BIN3: variants seen among roughly 807,000 people sequenced by gnomAD.
The protein encoded by BIN3 is bridging integrator 3.
In BIN3, 41 loss-of-function variants were observed where a neutral mutation model predicts 38.2. The observed-to-expected ratio is 1.07, with a 90% confidence interval of 0.84 to 1.39. The LOEUF (loss-of-function observed/expected upper bound fraction) is 1.39, where lower values mean the gene tolerates loss of function less well. Among genes scored for constraint, BIN3 ranks in the 40% most tolerant of loss-of-function variants. The probability of loss-of-function intolerance (pLI) is 0.00; values close to 1 mark genes in which losing one functional copy is unlikely to be tolerated. For missense variants in BIN3, 361 were observed against 324.3 expected (o/e 1.11, Z -0.87); for synonymous variants, 145 against 122.6 (o/e 1.18, Z -1.21).
rs774200897 is a variant in BIN3, at chr8:22,630,489, C to T, written c.250G>A (p.Ala84Thr). 6.2e-7 allele frequency: 1 copy of T among 1,614,020 alleles called. No homozygotes were observed. The highest frequency in any genetic ancestry group is 1.1e-5 in the South Asian group (1 of 91,082). The part of the protein sequence containing the change: ...QDQDLLNMVT[A>T]LDTAMKRMDA... ...ATCCGCTTCATGGCCGTGTCCAGGG[C>T]CGTCACCATGTTCAGAAGGTCCTGG... is the stretch of plus-strand genomic sequence containing the variant. The change falls in exon 5 of 9, where the codon GCC becomes ACC. Residue 84 changes from alanine to threonine, a missense_variant. Ala to Thr is a moderately conservative substitution (Grantham distance 58). Coordinates refer to ENST00000276416, the MANE Select transcript of BIN3 (RefSeq NM_018688.6).
Position 22,621,447 on chromosome 8 carries a change from G to C in BIN3, c.737C>G (p.Ala246Gly). ...ENEAKLSELR[A>G]LSIVADD ...TCAGTCATCGGCCACAATGGAGAGG[G>C]CCCGGAGCTCACTGAGTTTGGCCTC... The change falls in exon 9 of 9, where the codon GCC becomes GGC. Residue 246 changes from alanine to glycine, a missense_variant. Transcript: ENST00000276416. 6.2e-7 allele frequency: 1 copy of C among 1,613,592 alleles called. No individual in the cohort carries two copies. The highest frequency in any genetic ancestry group is 8.5e-7 in the Non-Finnish European group (1 of 1,179,788).
At chr8:22,648,574 C>A (rs1239848873) in intron 1 of BIN3, among the ~76,000 whole-genome samples, 1 of 152,142 alleles carries the variant, frequency 6.6e-6, no homozygotes, top group Non-Finnish European at 1.5e-5. Context: ...CCACATCATA[C>A]CCAGGGTCCA....
chr8:22,663,016 G>C (rs1432179546), intron 1 of BIN3, among the ~76,000 whole-genome samples: 1 of 152,214 alleles, frequency 6.6e-6, no homozygotes, highest in Non-Finnish European at 1.5e-5. Context: ...CTATCTGGGA[G>C]GCTGAGGCAC....
Position 22,669,095 on chromosome 8 carries a change from C to G in BIN3, c.-44G>C. 3 of 1,582,686 alleles carry G rather than the reference C, an allele frequency of 1.9e-6. No individual in the cohort carries two copies. The highest frequency in any genetic ancestry group is 1.2e-5 in the South Asian group (1 of 86,622). Reference sequence around the variant, plus strand: ...GCCGCCGGGGTCCTCAGCCACAACTCGTTTCTCTAGGGTCACTTCCGGATT... The same window carrying G: ...GCCGCCGGGGTCCTCAGCCACAACTGGTTTCTCTAGGGTCACTTCCGGATT... On this transcript the variant is annotated 5_prime_UTR_variant, in exon 1 of 9. Coordinates refer to ENST00000276416, the MANE Select transcript of BIN3 (RefSeq NM_018688.6).
In BIN3 at chr8:22,636,598, G is replaced by A. The variant is rs1802374585; in HGVS notation, c.99-12C>T. The A allele has an allele frequency of 6.4e-7, 1 of 1,551,288 alleles. No homozygotes were observed. Among genetic ancestry groups the A allele is most frequent in the Admixed American group, 2.0e-5 (1 of 51,004 alleles). On this transcript the variant is annotated splice_polypyrimidine_tract_variant and intron_variant, in intron 3 of 8. Transcript: ENST00000276416. ...TCTGCTCTTCCAGCCTGCAAGGCAG[G>A]GGACGGGCTGCTTGGGGTCCCCTTC...
At chr8:22,648,977 C>G (rs533275374) in intron 1 of BIN3, among the ~76,000 whole-genome samples, 1 of 152,040 alleles carries the variant, frequency 6.6e-6, no homozygotes, top group Non-Finnish European at 1.5e-5. Flanking sequence ...TCCAGCTCTA[C>G]GACATGTACC....
chr8:22,665,551 G>A (rs769307819), intron 1 of BIN3, among the ~76,000 whole-genome samples: 1 of 152,216 alleles, frequency 6.6e-6, no homozygotes, highest in African/African-American at 2.4e-5. Flanking sequence ...GTGAAGCGTG[G>A]CCTGACTCTT....
At position 22,620,906 on chromosome 8, in the gene BIN3, C is replaced by T. The variant is rs1801771221; in HGVS notation, c.*516G>A. The T allele has an allele frequency of 6.5e-6, 1 of 152,956 alleles. No individual in the cohort carries two copies. The highest frequency in any genetic ancestry group is 1.9e-4 in the East Asian group (1 of 5,200). 9.5% of individuals were successfully genotyped at this position (152,956 alleles called of 1,614,324 possible). A position where few individuals can be genotyped will look rare whatever the true frequency, so the allele number is the denominator to read the frequency against. On this transcript the variant is annotated 3_prime_UTR_variant, in exon 9 of 9. Transcript: ENST00000276416. ...TAGGTCCCAAAGCCACAAGGGTGCC[C>T]TTTGTCTTGCTGGGAAGCTGGCTGA...
intron 2 of BIN3, among the ~76,000 whole-genome samples, chr8:22,637,570 T>G (rs916196620): frequency 6.6e-6 from 1 of 152,146 alleles, no homozygotes; most frequent in Admixed American, 6.5e-5. Context: ...TCAACTCTCT[T>G]GAGAGCCAGC....
At chr8:22,642,970 G>A (rs541022684) in intron 2 of BIN3, among the ~76,000 whole-genome samples, 4 of 152,314 alleles carry the variant, frequency 2.6e-5, no homozygotes, top group South Asian at 2.1e-4. Context: ...TTAGATCAAC[G>A]GAGCCAGAGA....
chr8:22,625,354 G>A (rs1801971449), intron 6 of BIN3: 2 of 702,492 alleles, frequency 2.8e-6, no homozygotes, highest in East Asian at 5.4e-5. Flanking sequence ...CGCAGCCCAG[G>A]GAGCTCATGA....
rs762463420 is a variant in BIN3 at position 22,630,429 on chromosome 8, A to G, written c.297+13T>C. The G allele has an allele frequency of 1.2e-6, 2 of 1,613,534 alleles. No individual in the cohort carries two copies. The highest frequency in any genetic ancestry group is 1.7e-5 in the Admixed American group (1 of 59,994). On this transcript the variant is annotated intron_variant, in intron 5 of 8. Coordinates refer to ENST00000276416, the MANE Select transcript of BIN3 (RefSeq NM_018688.6). ...AAGTCATGCTTGCCCACCCCACACC[A>G]AGACCTAGTCACCTTTTCCTGATTG...
At chr8:22,625,219 C>T (rs937986520) in intron 6 of BIN3, 3 of 677,626 alleles carry the variant, frequency 4.4e-6, no homozygotes, top group Admixed American at 2.1e-5. Flanking sequence ...CATGTGTCCT[C>T]TAGTGACCAG....
intron 3 of BIN3, 27 bp from the exon 4 acceptor site, chr8:22,636,613 G>T: frequency 6.5e-7 from 1 of 1,550,336 alleles, no homozygotes; most frequent in Non-Finnish European, 8.7e-7. Flanking sequence ...GGGCTGCTTG[G>T]GGTCCCCTTC....
At chr8:22,635,932 G>A (rs1175724313) in intron 4 of BIN3, among the ~76,000 whole-genome samples, 1 of 152,004 alleles carries the variant, frequency 6.6e-6, no homozygotes, top group African/African-American at 2.4e-5. Context: ...TCCCAGGCCT[G>A]GTTCCTCCTT....
intron 1 of BIN3, among the ~76,000 whole-genome samples, chr8:22,646,926 G>A (rs1344479933): frequency 6.7e-6 from 1 of 149,746 alleles, no homozygotes; most frequent in Non-Finnish European, 1.5e-5. Context: ...TGGAGACATT[G>A]CAAATGAGGT....
chr8:22,630,076 A>C (rs1802140007), intron 5 of BIN3, 72 bp from the exon 6 acceptor site: 1 of 1,437,924 alleles, frequency 7.0e-7, no homozygotes. Context: ...AGGGCCCCTA[A>C]CTACCAAAGG....
At chr8:22,660,974 T>C (rs1803217609) in intron 1 of BIN3, among the ~76,000 whole-genome samples, 2 of 152,198 alleles carry the variant, frequency 1.3e-5, no homozygotes, top group African/African-American at 4.8e-5. Context: ...AACCTTGAAT[T>C]CCTGGGCTCC....
chr8:22,629,398 G>C (rs1231218416), intron 6 of BIN3, among the ~76,000 whole-genome samples: 1 of 152,208 alleles, frequency 6.6e-6, no homozygotes, highest in African/African-American at 2.4e-5. Flanking sequence ...AGGCCTGTCT[G>C]ATCACTGACC....
Sources: allele counts gnomAD v4.1 joint callset (sites outside exome capture counted in the v4.1 genomes callset), GRCh38; gene constraint gnomAD v4.1.1; transcripts MANE v1.5; gene names NCBI Gene and HGNC (gene_info 2026-07-23, HGNC 2026-07-21).